ROR1: variants seen among roughly 807,000 people sequenced by gnomAD.
ROR1 encodes the protein ROR family WNT receptor 1, also known as inactive tyrosine-protein kinase transmembrane receptor ROR1.
Under a neutral mutation model 78.8 loss-of-function variants are expected in ROR1, and 19 were observed. The ratio of observed to expected loss-of-function variants is 0.24; its 90% CI spans 0.17 to 0.35. The LOEUF is 0.35. Ranked by LOEUF, ROR1 falls within the 10% of genes least tolerant of loss-of-function variation. The pLI is 1.00. For missense variants in ROR1, 917 were observed against 1,177.8 expected (o/e 0.78, Z 3.24); for synonymous variants, 386 against 433.6 (o/e 0.89, Z 1.36).
At chr1:64,124,166 G>A (rs1329937710) in intron 4 of ROR1, among the ~76,000 whole-genome samples, 3 of 152,116 alleles carry the variant, frequency 2.0e-5, no homozygotes, top group Admixed American at 6.5e-5. Flanking sequence ...TGTGGTTTGT[G>A]GATGTAGATG....
chr1:64,174,232 T>C (rs1403532693), intron 8 of ROR1, among the ~76,000 whole-genome samples: 1 of 152,196 alleles, frequency 6.6e-6, no homozygotes, highest in East Asian at 1.9e-4. Flanking sequence ...TTCATAGATA[T>C]GGAAACAGAG....
rs1033394932 is a variant in ROR1, at chr1:63,989,633, G to A, written c.92-19672G>A. Among the ~76,000 whole-genome samples the A allele has an allele frequency of 1.8e-4, 27 of 152,240 alleles. 1 individual carries two copies. Among genetic ancestry groups the A allele is most frequent in the Admixed American group, 1.0e-3 (16 of 15,276 alleles). On this transcript the variant is annotated intron_variant, in intron 1 of 8. Coordinates refer to ENST00000371079, the MANE Select transcript of ROR1 (RefSeq NM_005012.4). ...ACATGTCACCTGTCTGATATTTGAA[G>A]GCAGCTATCAAGTATTCACTAGTCT...
chr1:63,986,757 C>G (rs1646256094), intron 1 of ROR1, among the ~76,000 whole-genome samples: 1 of 151,682 alleles, frequency 6.6e-6, no homozygotes, highest in Admixed American at 6.6e-5. Context: ...ATTAGCCAGA[C>G]TTGGTGGTGT....
chr1:63,963,118 C>T (rs1646045438), intron 1 of ROR1, among the ~76,000 whole-genome samples: 1 of 152,190 alleles, frequency 6.6e-6, no homozygotes, highest in African/African-American at 2.4e-5. Context: ...CCCTTAATCT[C>T]TATATCAGTA....
rs563455152 is a variant in ROR1 at position 63,920,729 on chromosome 1, A to AT, written c.92-88569dup. 3.8e-3 allele frequency among the ~76,000 whole-genome samples: 571 copies of AT among 152,254 alleles called. 5 individuals carry two copies. The highest frequency in any genetic ancestry group is 0.014 in the Middle Eastern group (4 of 294). ...CATTTCCCTGGAATCCACTGGAATA[A>AT]TTTTTTTATGCATTACAAAGTATGC... On this transcript the variant is annotated intron_variant, in intron 1 of 8. Transcript: ENST00000371079.
rs1299691834 is a variant in ROR1 at position 64,167,073 on chromosome 1, CAAAT to C, written c.1386+7882_1386+7885del. Among the ~76,000 whole-genome samples the C allele has an allele frequency of 1.8e-4, 27 of 152,270 alleles. No homozygotes were observed. The East Asian group carries it at 4.2e-3, about 24-fold the overall frequency. ...CAGATTCAGAATTGGCCCAAAGTCA[CAAAT>C]TATTAAGTGACAGAGCCAAACTTGA... On this transcript the variant is annotated intron_variant, in intron 8 of 8. Coordinates refer to ENST00000371079, the MANE Select transcript of ROR1 (RefSeq NM_005012.4).
At chr1:64,140,777 C>G (rs181607954) in intron 6 of ROR1, among the ~76,000 whole-genome samples, 1 of 152,058 alleles carries the variant, frequency 6.6e-6, no homozygotes, top group Non-Finnish European at 1.5e-5. Flanking sequence ...TTTACAATAG[C>G]CAAAAGGTGG....
intron 8 of ROR1, among the ~76,000 whole-genome samples, chr1:64,176,735 T>C (rs1650391565): frequency 1.3e-5 from 2 of 152,226 alleles, no homozygotes; most frequent in South Asian, 2.1e-4. Flanking sequence ...ATTTAATCAA[T>C]GGAGAAGACC....
chr1:63,981,486 C>T (rs868259227), intron 1 of ROR1, among the ~76,000 whole-genome samples: 7 of 152,140 alleles, frequency 4.6e-5, no homozygotes, highest in Non-Finnish European at 1.0e-4. Context: ...TGAGGTTGTT[C>T]TCTCTTCTTG....
At chr1:63,934,951 T>C (rs2100448992) in intron 1 of ROR1, among the ~76,000 whole-genome samples, 1 of 152,286 alleles carries the variant, frequency 6.6e-6, no homozygotes, top group East Asian at 1.9e-4. Context: ...TTTATCATGC[T>C]TCTTTTACAT....
chr1:63,834,402 T>C (rs1645007556), intron 1 of ROR1, among the ~76,000 whole-genome samples: 1 of 149,454 alleles, frequency 6.7e-6, no homozygotes, highest in Non-Finnish European at 1.5e-5. Context: ...ATGTTACTGT[T>C]AAAAACAGAA....
chr1:63,991,847 G>A (rs147386412), intron 1 of ROR1, among the ~76,000 whole-genome samples: 1 of 152,174 alleles, frequency 6.6e-6, no homozygotes, highest in Non-Finnish European at 1.5e-5. Context: ...CATCACTAAT[G>A]TGGTTGTCAT....
At chr1:63,983,909 C>T (rs1490341628) in intron 1 of ROR1, among the ~76,000 whole-genome samples, 7 of 152,088 alleles carry the variant, frequency 4.6e-5, no homozygotes, top group Admixed American at 6.5e-5. Context: ...TGCAAAGGGA[C>T]GCAAAGTACC....
At chr1:63,856,399 T>C (rs185272971) in intron 1 of ROR1, among the ~76,000 whole-genome samples, 1 of 152,340 alleles carries the variant, frequency 6.6e-6, no homozygotes. Context: ...GGTTTTCCAA[T>C]CTGGAAATAT....
chr1:63,887,196 T>C (rs1299990873), intron 1 of ROR1, among the ~76,000 whole-genome samples: 3 of 138,302 alleles, frequency 2.2e-5, no homozygotes, highest in African/African-American at 8.0e-5. Context: ...TTTGCCCTAC[T>C]ATTTCCTGTT....
chr1:64,028,656 T>A (rs934811012), intron 2 of ROR1, among the ~76,000 whole-genome samples: 10 of 152,130 alleles, frequency 6.6e-5, no homozygotes, highest in Non-Finnish European at 8.8e-5. Flanking sequence ...TTAAAAAAAA[T>A]TTTTTAGATA....
intron 7 of ROR1, among the ~76,000 whole-genome samples, chr1:64,151,182 T>C (rs1452614963): frequency 6.6e-6 from 1 of 152,214 alleles, no homozygotes; most frequent in African/African-American, 2.4e-5. Context: ...GACCTGGGGC[T>C]AACATGAATG....
At chr1:64,003,336 C>T (rs760662962) in intron 1 of ROR1, among the ~76,000 whole-genome samples, 14 of 152,074 alleles carry the variant, frequency 9.2e-5, no homozygotes, top group Non-Finnish European at 1.6e-4. Context: ...AATGTAATTA[C>T]ATGGTTAAAA....
chr1:63,957,280 C>T (rs982825086), intron 1 of ROR1, among the ~76,000 whole-genome samples: 6 of 152,178 alleles, frequency 3.9e-5, no homozygotes, highest in African/African-American at 9.7e-5. Context: ...CATGCAACTG[C>T]AGGATCTTTG....
Sources: allele counts gnomAD v4.1 joint callset (sites outside exome capture counted in the v4.1 genomes callset), GRCh38; gene constraint gnomAD v4.1.1; transcripts MANE v1.5; gene names NCBI Gene and HGNC (gene_info 2026-07-23, HGNC 2026-07-21).